Variants in GRIA1 observed in about 807,000 individuals in gnomAD.
GRIA1 encodes the protein glutamate ionotropic receptor AMPA type subunit 1.
GRIA1 carries 31 observed loss-of-function variants against 99.2 expected under a neutral mutation model. That is an observed-to-expected ratio of 0.31 (90% CI 0.23 to 0.42). The LOEUF is 0.42. GRIA1 is among the 10% of genes least tolerant of loss of function. GRIA1 has a pLI of 1.00. For synonymous variants in GRIA1, 438 were observed against 432.4 expected, an observed-to-expected ratio of 1.01 and a Z score of -0.16; for missense variants, 782 against 1,157.5, an observed-to-expected ratio of 0.68 and a Z score of 4.71.
At chr5:153,762,040 A>G (rs1763221118) in intron 11 of GRIA1, among the ~76,000 whole-genome samples, 1 of 152,178 alleles carries the variant, frequency 6.6e-6, no homozygotes, top group Non-Finnish European at 1.5e-5. Context: ...TGATGGGAAG[A>G]GATTTGTGAA....
chr5:153,754,260 T>C (rs995350945), intron 11 of GRIA1, among the ~76,000 whole-genome samples: 1 of 152,200 alleles, frequency 6.6e-6, no homozygotes, highest in Non-Finnish European at 1.5e-5. Context: ...AGGATTGCCT[T>C]GCCCTCAAGT....
At chr5:153,626,281 A>T (rs1325921485) in intron 2 of GRIA1, among the ~76,000 whole-genome samples, 1 of 152,144 alleles carries the variant, frequency 6.6e-6, no homozygotes, top group Non-Finnish European at 1.5e-5. Flanking sequence ...AGTGTGGGAC[A>T]TATTTAGGGC....
chr5:153,599,104 G>A (rs1001538820), intron 2 of GRIA1, among the ~76,000 whole-genome samples: 8 of 152,182 alleles, frequency 5.3e-5, no homozygotes, highest in Non-Finnish European at 1.2e-4. Flanking sequence ...GGATGGTCTC[G>A]ATCTCCTGAC....
intron 2 of GRIA1, among the ~76,000 whole-genome samples, chr5:153,554,699 G>A (rs1760464488): frequency 6.6e-6 from 1 of 152,130 alleles, no homozygotes; most frequent in African/African-American, 2.4e-5. Flanking sequence ...CCCCCATGTT[G>A]GCCAGGCTGG....
chr5:153,794,115 T>C (rs1765482795), intron 13 of GRIA1, among the ~76,000 whole-genome samples: 1 of 152,224 alleles, frequency 6.6e-6, no homozygotes. Context: ...ATGCCAATCA[T>C]GTTGTTTTTA....
intron 2 of GRIA1, among the ~76,000 whole-genome samples, chr5:153,618,965 A>G (rs1481264865): frequency 6.6e-6 from 1 of 152,200 alleles, no homozygotes; most frequent in Admixed American, 6.5e-5. Flanking sequence ...TACTTTCTCA[A>G]AGATCCCATT....
rs538944867 is a variant in GRIA1 at position 153,586,919 on chromosome 5, AG to A, written c.221-60006del. ...GTCCACTTGAGGCACGTTTCCAGAC[AG>A]GGTCTTAACTTCTCCTCACTGCTGA... On this transcript the variant is annotated intron_variant, in intron 2 of 15. Transcript: ENST00000285900. Among the ~76,000 whole-genome samples, 6 of 152,350 alleles carry A rather than the reference AG, an allele frequency of 3.9e-5. No homozygotes were observed. The East Asian group carries it at 1.2e-3, about 29-fold the overall frequency.
chr5:153,760,054 A>G (rs7731986), intron 11 of GRIA1, among the ~76,000 whole-genome samples: 89,821 of 151,824 alleles, frequency 0.59, 27,280 homozygotes, highest in East Asian at 0.94. Flanking sequence ...CCTCCACACA[A>G]TAAAGGCCAT....
At chr5:153,667,041 A>G (rs1028647167) in intron 5 of GRIA1, among the ~76,000 whole-genome samples, 4 of 152,206 alleles carry the variant, frequency 2.6e-5, no homozygotes, top group African/African-American at 4.8e-5. Flanking sequence ...ACAGTTTCCT[A>G]TAACTACTCT....
rs191665594 is a variant in GRIA1 at position 153,713,214 on chromosome 5, G to A, written c.1823+7147G>A. Among the ~76,000 whole-genome samples the A allele has an allele frequency of 3.0e-3, 453 of 152,352 alleles. 4 individuals are homozygous for A. Among genetic ancestry groups the A allele is most frequent in the African/African-American group, 0.01 (423 of 41,588 alleles). ...GTTGACTGTGGCCTTCAAAGCAGGGGCCTGGCTGTCCTGATGACCCTGCCT... is the reference window on the plus strand; with the variant it reads ...GTTGACTGTGGCCTTCAAAGCAGGGACCTGGCTGTCCTGATGACCCTGCCT... On this transcript the variant is annotated intron_variant, in intron 11 of 15. Transcript: ENST00000285900.
At chr5:153,647,662 A>G (rs729329) in intron 3 of GRIA1, among the ~76,000 whole-genome samples, 114,167 of 152,148 alleles carry the variant, frequency 0.75, 43,935 homozygotes, top group African/African-American at 0.89. Context: ...TTCAGTGCCT[A>G]CAACATAGTA....
intron 2 of GRIA1, among the ~76,000 whole-genome samples, chr5:153,623,710 G>A (rs1002288058): frequency 3.9e-5 from 6 of 152,104 alleles, no homozygotes; most frequent in African/African-American, 9.7e-5. Flanking sequence ...GCTTCATCAC[G>A]CCCAGGGGAA....
chr5:153,687,459 T>C (rs1008813487), intron 8 of GRIA1, among the ~76,000 whole-genome samples: 1 of 152,220 alleles, frequency 6.6e-6, no homozygotes. Flanking sequence ...TTCTAAGTAC[T>C]GGAACTGGCC....
chr5:153,748,974 C>T (rs904383606), intron 11 of GRIA1, among the ~76,000 whole-genome samples: 4 of 151,862 alleles, frequency 2.6e-5, no homozygotes, highest in Non-Finnish European at 5.9e-5. Flanking sequence ...GCCATGTGTC[C>T]GGAGGAGATC....
At chr5:153,500,828 C>T (rs1754945210) in intron 2 of GRIA1, among the ~76,000 whole-genome samples, 2 of 152,200 alleles carry the variant, frequency 1.3e-5, no homozygotes, top group South Asian at 4.1e-4. Context: ...AGGTTTGATG[C>T]AGTAAATAGC....
Position 153,811,294 on chromosome 5 carries a change from C to A in GRIA1, c.*69C>A. 1.8e-6 allele frequency: 2 copies of A among 1,082,528 alleles called. No homozygotes were observed. The highest frequency in any genetic ancestry group is 2.8e-6 in the Non-Finnish European group (2 of 712,116). The allele number at this position is 1,082,528 out of a possible 1,614,324, so 67.1% of individuals were successfully genotyped here. A position where few individuals can be genotyped will look rare whatever the true frequency, so the allele number is the denominator to read the frequency against. On this transcript the variant is annotated 3_prime_UTR_variant, in exon 16 of 16. Coordinates refer to ENST00000285900, the MANE Select transcript of GRIA1 (RefSeq NM_000827.4). ...CAGCCCCATCCCAAACCCTTCAGTGCCAAAAACAACAACAAAATGAAACGC... is the reference window on the plus strand; with the variant it reads ...CAGCCCCATCCCAAACCCTTCAGTGACAAAAACAACAACAAAATGAAACGC...
At chr5:153,712,144 C>T (rs567812138) in intron 11 of GRIA1, among the ~76,000 whole-genome samples, 21 of 152,250 alleles carry the variant, frequency 1.4e-4, no homozygotes, top group African/African-American at 2.2e-4. Flanking sequence ...CTCCACCTCC[C>T]GGGTTCAAGC....
intron 2 of GRIA1, among the ~76,000 whole-genome samples, chr5:153,498,181 A>T (rs1291675783): frequency 6.6e-6 from 1 of 152,176 alleles, no homozygotes; most frequent in Non-Finnish European, 1.5e-5. Context: ...AGGTCTATGC[A>T]GCCTCAATTT....
chr5:153,489,747 C>T (rs949658918), upstream of GRIA1: 4 of 456,030 alleles, frequency 8.8e-6, no homozygotes, highest in Admixed American at 7.0e-5. Context: ...TTCCAGCTTA[C>T]ACCAGACATG....
Sources: allele counts gnomAD v4.1 joint callset (sites outside exome capture counted in the v4.1 genomes callset), GRCh38; gene constraint gnomAD v4.1.1; transcripts MANE v1.5; gene names NCBI Gene and HGNC (gene_info 2026-07-23, HGNC 2026-07-21).